Variants in MAP4 observed in about 807,000 individuals in gnomAD.
MAP4 encodes microtubule associated protein 4, also known as microtubule-associated protein 4.
MAP4 carries 76 observed loss-of-function variants against 170.2 expected under a neutral mutation model. That is an observed-to-expected ratio of 0.45 (90% CI 0.37 to 0.54). MAP4 has a LOEUF of 0.54. MAP4 is among the 20% of genes least tolerant of loss of function. The pLI is 0.00. For synonymous variants in MAP4, 909 were observed against 994.5 expected (o/e 0.91, Z 1.62); for missense variants, 2,506 against 2,748.0 (o/e 0.91, Z 1.97).
chr3:47,868,915 C>G (rs969408970), intron 16 of MAP4, among the ~76,000 whole-genome samples: 5 of 152,198 alleles, frequency 3.3e-5, no homozygotes, highest in Non-Finnish European at 7.3e-5. Flanking sequence ...GTAGGTTTCA[C>G]ATCAAGGTCA....
At position 47,910,212 on chromosome 3, in the gene MAP4, T is replaced by A. The variant is rs1201130724; in HGVS notation, c.4209A>T (p.Glu1403Asp). 1 of 1,612,456 alleles carries A rather than the reference T, an allele frequency of 6.2e-7. No homozygotes were observed. The highest frequency in any genetic ancestry group is 1.3e-5 in the African/African-American group (1 of 74,944). Residue 1403 changes from glutamate to aspartate, a missense_variant, in exon 9 of 21, where the codon GAA (glutamate) becomes GAT (aspartate). Glu to Asp is a conservative substitution (Grantham distance 45). Around this residue, in one of 3 missense-constraint regions of MAP4, gnomAD observed 2,008 missense variants for 2,206.0 expected, o/e 0.91. Coordinates refer to ENST00000683076, the MANE Select transcript of MAP4 (RefSeq NM_001385682.1). ...TATTTTCGTCCATATAGGCCATTCC[T>A]TCAATTCCCTGGTCCCCTGTGGTTT... ...PMETTGDQGI[E>D]GMAYMDENRN...
At chr3:47,882,859 T>G (rs1247754267) in intron 10 of MAP4, among the ~76,000 whole-genome samples, 2 of 151,958 alleles carry the variant, frequency 1.3e-5, no homozygotes, top group African/African-American at 4.8e-5. Flanking sequence ...CAGGTTGGAG[T>G]GTAGTGGCAC....
chr3:47,948,955 C>T (rs1559561827), intron 3 of MAP4, among the ~76,000 whole-genome samples: 1 of 152,122 alleles, frequency 6.6e-6, no homozygotes, highest in Non-Finnish European at 1.5e-5. Flanking sequence ...AATAAGGTGT[C>T]CTTTAACTCA....
At chr3:47,868,414 G>A (rs911317617) in intron 16 of MAP4, among the ~76,000 whole-genome samples, 3 of 152,094 alleles carry the variant, frequency 2.0e-5, no homozygotes, top group Non-Finnish European at 4.4e-5. Context: ...ATGAGCCTTG[G>A]TCTGAACCTA....
rs559379410 is a variant in MAP4, at chr3:47,905,183, C to T, written c.5384-2183G>A. Among the ~76,000 whole-genome samples, 22 of 152,218 alleles carry T rather than the reference C, an allele frequency of 1.4e-4. No homozygotes were observed. In the South Asian group the frequency reaches 2.7e-3, roughly 19 times the overall value. The stretch of plus-strand genomic sequence containing the variant: ...CATTATGCTGTTCGACAGAAAAACT[C>T]GATATGCAAGACATAAACTCTCCCT... On this transcript the variant is annotated intron_variant, in intron 9 of 20. Transcript: ENST00000683076.
At chr3:47,991,408 C>A (rs1356659288) in intron 2 of MAP4, among the ~76,000 whole-genome samples, 1 of 152,188 alleles carries the variant, frequency 6.6e-6, no homozygotes, top group Non-Finnish European at 1.5e-5. Flanking sequence ...TGGTGGCTCA[C>A]ACCTGTAATC....
chr3:47,885,849 C>G (rs1205769680), intron 10 of MAP4, among the ~76,000 whole-genome samples: 1 of 152,064 alleles, frequency 6.6e-6, no homozygotes, highest in Non-Finnish European at 1.5e-5. Context: ...CTGCCTCAGC[C>G]TCCCGAGTAG....
At chr3:47,996,157 G>A (rs1024682191) in intron 2 of MAP4, among the ~76,000 whole-genome samples, 5 of 152,116 alleles carry the variant, frequency 3.3e-5, no homozygotes, top group African/African-American at 1.2e-4. Flanking sequence ...TCTCTCCTGG[G>A]GAAGGAGTAC....
At chr3:47,949,973 A>G (rs1267024167) in intron 3 of MAP4, among the ~76,000 whole-genome samples, 1 of 152,180 alleles carries the variant, frequency 6.6e-6, no homozygotes, top group Non-Finnish European at 1.5e-5. Context: ...AGCTTCCTAG[A>G]CAGTTTTGTT....
At chr3:47,981,101 TA>T (rs2100085163) in intron 2 of MAP4, among the ~76,000 whole-genome samples, 1 of 152,114 alleles carries the variant, frequency 6.6e-6, no homozygotes, top group South Asian at 2.1e-4. Context: ...CATAAAAGTA[TA>T]AAAAAGTGAA....
chr3:47,948,528 A>G (rs1356307511), intron 3 of MAP4, among the ~76,000 whole-genome samples: 1 of 151,884 alleles, frequency 6.6e-6, no homozygotes, highest in African/African-American at 2.4e-5. Flanking sequence ...CCCAACCCAT[A>G]ATTGTGACCT....
chr3:47,964,142 T>C (rs1272146595), intron 3 of MAP4, among the ~76,000 whole-genome samples: 2 of 152,144 alleles, frequency 1.3e-5, no homozygotes, highest in East Asian at 1.9e-4. Context: ...GACTTTGGCT[T>C]TTACTTTGAG....
chr3:47,972,455 G>T (rs1349842779), intron 3 of MAP4, among the ~76,000 whole-genome samples: 1 of 152,176 alleles, frequency 6.6e-6, no homozygotes, highest in Non-Finnish European at 1.5e-5. Context: ...ATATACCATG[G>T]AAACCTCCTT....
At chr3:48,072,278 TGGGCGGATCACTTGAGGTCA>T (rs2154565279) in intron 1 of MAP4, among the ~76,000 whole-genome samples, 1 of 151,882 alleles carries the variant, frequency 6.6e-6, no homozygotes, top group South Asian at 2.1e-4. Context: ...GAGGCCGAGG[TGGGCGGATCACTTGAGGTCA>T]GGCATTCACA....
At chr3:48,031,639 C>A (rs1442267293) in intron 1 of MAP4, among the ~76,000 whole-genome samples, 2 of 152,014 alleles carry the variant, frequency 1.3e-5, no homozygotes, top group Non-Finnish European at 2.9e-5. Context: ...GTGGGAGGAT[C>A]ACTTGGGCCC....
chr3:48,035,335 T>TA (rs1266824053), intron 1 of MAP4, among the ~76,000 whole-genome samples: 4 of 144,526 alleles, frequency 2.8e-5, no homozygotes, highest in African/African-American at 1.0e-4. Context: ...CCAACCCATA[T>TA]AAAAAAATAA....
rs2052598810 is a variant in MAP4 at position 47,855,075 on chromosome 3, G to A, written c.6696+173C>T. On this transcript the variant is annotated intron_variant, in intron 19 of 20. Coordinates refer to ENST00000683076, the MANE Select transcript of MAP4 (RefSeq NM_001385682.1). This position sits in a 1 kb window ranked among gnomAD's most constrained non-coding sequence, Gnocchi z 5.1. ...GCTGGGCTGGGGCCTCTTCACTTCT[G>A]CCTCAGTCAGGACTGATGATACACG... The A allele has an allele frequency of 1.8e-6, 1 of 565,424 alleles. No individual in the cohort carries two copies. Among genetic ancestry groups the A allele is most frequent in the African/African-American group, 1.9e-5 (1 of 53,724 alleles). The allele number at this position is 565,424 out of a possible 1,614,324, so 35.0% of individuals were successfully genotyped here.
At chr3:47,971,485 T>G (rs185361446) in intron 3 of MAP4, among the ~76,000 whole-genome samples, 1 of 152,260 alleles carries the variant, frequency 6.6e-6, no homozygotes, top group African/African-American at 2.4e-5. Flanking sequence ...GTAGATTTAC[T>G]GTTTCACTGC....
At chr3:47,959,245 T>A (rs1170162655) in intron 3 of MAP4, among the ~76,000 whole-genome samples, 2 of 151,696 alleles carry the variant, frequency 1.3e-5, no homozygotes, top group Non-Finnish European at 2.9e-5. Context: ...AGCGGGTGGA[T>A]CACCTGAGGT....
Sources: gnomAD v4.1 joint callset for allele counts (sites outside exome capture counted in the v4.1 genomes callset) on GRCh38, gnomAD v4.1.1 for gene constraint, gnomAD v4.1.1 regional missense constraint, Gnocchi (gnomAD v3.1) non-coding constraint, MANE v1.5 for transcripts, NCBI Gene and HGNC (gene_info 2026-07-23, HGNC 2026-07-21) for gene names.